The following ASB4 variants were observed in gnomAD, a reference collection of about 807,000 sequenced individuals.
ASB4 encodes the protein ankyrin repeat and SOCS box protein 4.
In ASB4, 35 loss-of-function variants were observed where a neutral mutation model predicts 38.6. That is an observed-to-expected ratio of 0.91 (90% CI 0.69 to 1.20). The LOEUF is 1.20. ASB4 is among the 50% of genes most tolerant of loss of function. The pLI is 0.00. For synonymous variants in ASB4, 195 were observed against 201.3 expected, an observed-to-expected ratio of 0.97 and a Z score of 0.26; for missense variants, 557 against 527.2, an observed-to-expected ratio of 1.06 and a Z score of -0.55.
intron 2 of ASB4, among the ~76,000 whole-genome samples, chr7:95,524,537 C>G (rs546787979): frequency 6.6e-5 from 10 of 152,152 alleles, no homozygotes; most frequent in African/African-American, 2.4e-4. Context: ...TACTATGTAA[C>G]GTATGTTATG....
intron 2 of ASB4, among the ~76,000 whole-genome samples, chr7:95,526,193 C>T (rs1316226438): frequency 1.3e-5 from 2 of 152,102 alleles, no homozygotes; most frequent in Non-Finnish European, 2.9e-5. Flanking sequence ...GTTTTCAAAC[C>T]TTGGTTCAAC....
chr7:95,475,137 C>A (rs1789964075), upstream of ASB4, among the ~76,000 whole-genome samples: 1 of 152,284 alleles, frequency 6.6e-6, no homozygotes, highest in Non-Finnish European at 1.5e-5. Flanking sequence ...TGTGACCCAG[C>A]AGTCTGTGTT....
At chr7:95,518,664 C>T (rs1790618961) in intron 2 of ASB4, among the ~76,000 whole-genome samples, 1 of 152,190 alleles carries the variant, frequency 6.6e-6, no homozygotes, top group Admixed American at 6.5e-5. Flanking sequence ...AACTGGGTAA[C>T]TGGAACCACT....
At chr7:95,505,816 A>C (rs2116607799) in intron 2 of ASB4, among the ~76,000 whole-genome samples, 1 of 151,488 alleles carries the variant, frequency 6.6e-6, no homozygotes, top group African/African-American at 2.4e-5. Context: ...AAACTGTCTT[A>C]TTTCATTCTT....
At chr7:95,537,165 A>G (rs1790899933) in intron 4 of ASB4, among the ~76,000 whole-genome samples, 1 of 152,182 alleles carries the variant, frequency 6.6e-6, no homozygotes, top group Admixed American at 6.5e-5. Flanking sequence ...GCTTAGGTGT[A>G]ATCTTATTCT....
At chr7:95,515,223 T>TTCTTTC in intron 2 of ASB4, among the ~76,000 whole-genome samples, 1 of 131,434 alleles carries the variant, frequency 7.6e-6, no homozygotes, top group African/African-American at 3.3e-5. Flanking sequence ...CTTTCTTTCT[T>TTCTTTC]TCTTTCTTTT....
At chr7:95,545,808 A>G in the ASB4 span, among the ~76,000 whole-genome samples, 2 of 152,190 alleles carry the variant, frequency 1.3e-5, no homozygotes, top group Non-Finnish European at 2.9e-5. Flanking sequence ...AGACAGGAGA[A>G]AAGCCTCCAA....
intron 2 of ASB4, among the ~76,000 whole-genome samples, chr7:95,519,639 A>T (rs989725985): frequency 2.0e-5 from 3 of 152,218 alleles, no homozygotes; most frequent in African/African-American, 7.2e-5. Context: ...ACCTGAAGTT[A>T]TAGTAAATGG....
chr7:95,487,554 T>C (rs1790109351), intron 1 of ASB4, among the ~76,000 whole-genome samples: 1 of 152,136 alleles, frequency 6.6e-6, no homozygotes, highest in Non-Finnish European at 1.5e-5. Context: ...TTGTGGGAAG[T>C]TTCTGAGGAT....
At chr7:95,515,247 CTTTCCT>C (rs1790553859) in intron 2 of ASB4, among the ~76,000 whole-genome samples, 6 of 119,874 alleles carry the variant, frequency 5.0e-5, no homozygotes, top group African/African-American at 1.9e-4. Flanking sequence ...TTCTTTCTTT[CTTTCCT>C]TCTTTCTTTC....
At chr7:95,523,135 C>A (rs897407019) in intron 2 of ASB4, among the ~76,000 whole-genome samples, 1 of 151,940 alleles carries the variant, frequency 6.6e-6, no homozygotes, top group African/African-American at 2.4e-5. Context: ...AAAATCCAGA[C>A]GAATCAAATT....
intron 1 of ASB4, among the ~76,000 whole-genome samples, chr7:95,494,940 T>G (rs561241204): frequency 3.9e-5 from 6 of 152,374 alleles, no homozygotes; most frequent in Non-Finnish European, 7.3e-5. Flanking sequence ...TATGTATGGC[T>G]TGTAGACATA....
At chr7:95,537,528 G>T in intron 4 of ASB4, 43 bp from the exon 5 acceptor site, 1 of 1,516,576 alleles carries the variant, frequency 6.6e-7, no homozygotes, top group Non-Finnish European at 9.0e-7. Context: ...GATGTAAACT[G>T]TGGGGCCTTG....
the ASB4 span, among the ~76,000 whole-genome samples, chr7:95,471,410 A>G: frequency 6.6e-6 from 1 of 152,214 alleles, no homozygotes; most frequent in African/African-American, 2.4e-5. Context: ...TGGTTGCTTC[A>G]GGGACCTTCC....
intron 2 of ASB4, among the ~76,000 whole-genome samples, chr7:95,512,135 C>G (rs1306020956): frequency 6.6e-6 from 1 of 152,178 alleles, no homozygotes; most frequent in East Asian, 1.9e-4. Context: ...GCCTATTAGA[C>G]CAGGGGTGGT....
At position 95,527,617 on chromosome 7, in the gene ASB4, T is replaced by C. The variant is rs376415383; in HGVS notation, c.488-196T>C. ...GTACCTTTGCTGGTTGTCCAGGAGA[T>C]GGCACTGTTGCTTCAAGGGAATGGC... is the stretch of plus-strand genomic sequence containing the variant. On this transcript the variant is annotated intron_variant, in intron 2 of 4. Transcript: ENST00000325885. Among the ~76,000 whole-genome samples, 4 of 152,254 alleles carry C rather than the reference T, an allele frequency of 2.6e-5. No individual in the cohort carries two copies. In the East Asian group the frequency reaches 7.7e-4, roughly 29 times the overall value.
intron 2 of ASB4, among the ~76,000 whole-genome samples, chr7:95,525,448 A>G (rs1584090554): frequency 6.6e-6 from 1 of 152,224 alleles, no homozygotes; most frequent in Non-Finnish European, 1.5e-5. Flanking sequence ...TGTACTTTAT[A>G]TATTTCCTGG....
intron 2 of ASB4, among the ~76,000 whole-genome samples, chr7:95,497,658 A>C (rs551199480): frequency 6.6e-6 from 1 of 152,274 alleles, no homozygotes; most frequent in South Asian, 2.1e-4. Flanking sequence ...AATCATCTTA[A>C]AAAGTTTCCT....
At chr7:95,519,519 A>G (rs1160973458) in intron 2 of ASB4, among the ~76,000 whole-genome samples, 1 of 152,222 alleles carries the variant, frequency 6.6e-6, no homozygotes, top group African/African-American at 2.4e-5. Context: ...CCAGCCCAGC[A>G]GTGTTTTGTA....
Sources: allele counts gnomAD v4.1 joint callset (sites outside exome capture counted in the v4.1 genomes callset), GRCh38; gene constraint gnomAD v4.1.1; transcripts MANE v1.5; gene names NCBI Gene and HGNC (gene_info 2026-07-23, HGNC 2026-07-21).